CSMD1: variants seen among roughly 807,000 people sequenced by gnomAD.
The protein encoded by CSMD1 is CUB and Sushi multiple domains 1.
Under a neutral mutation model 417.5 loss-of-function variants are expected in CSMD1, and 213 were observed. That is an observed-to-expected ratio of 0.51 (90% CI 0.46 to 0.57). The LOEUF (loss-of-function observed/expected upper bound fraction) is 0.57. Ranked by LOEUF, CSMD1 falls within the 20% of genes least tolerant of loss-of-function variation. The pLI is 0.00. For missense variants in CSMD1, 6,923 were observed against 4,529.7 expected (o/e 1.53, Z -15.17); for synonymous variants, 2,862 against 1,736.8 (o/e 1.65, Z -16.11).
chr8:4,893,433 T>C (rs1804262920), intron 1 of CSMD1, among the ~76,000 whole-genome samples: 1 of 152,098 alleles, frequency 6.6e-6, no homozygotes, highest in Non-Finnish European at 1.5e-5. Context: ...TGTAGTTAAA[T>C]GTTTTTCTTT....
intron 3 of CSMD1, among the ~76,000 whole-genome samples, chr8:4,316,388 A>G (rs1585217832): frequency 6.6e-6 from 1 of 152,100 alleles, no homozygotes; most frequent in Admixed American, 6.6e-5. Context: ...GACCTCTGTT[A>G]ATTCTTGGAC....
intron 54 of CSMD1, among the ~76,000 whole-genome samples, chr8:2,990,544 C>G (rs1239331323): frequency 6.6e-6 from 1 of 152,148 alleles, no homozygotes; most frequent in East Asian, 1.9e-4. Flanking sequence ...ACTATACGAT[C>G]GACTTGCTAA....
chr8:3,679,288 C>G (rs957726737), intron 7 of CSMD1, among the ~76,000 whole-genome samples: 3 of 152,044 alleles, frequency 2.0e-5, no homozygotes, highest in Non-Finnish European at 4.4e-5. Flanking sequence ...TTCAGGAAAC[C>G]CATCTCATGT....
intron 7 of CSMD1, among the ~76,000 whole-genome samples, chr8:3,696,758 A>G (rs570493421): frequency 1.6e-4 from 25 of 152,244 alleles, no homozygotes; most frequent in Non-Finnish European, 3.2e-4. Context: ...AGATGTCAAG[A>G]ATATGGAAAT....
chr8:4,212,978 G>C (rs1224896728), intron 3 of CSMD1, among the ~76,000 whole-genome samples: 1 of 151,922 alleles, frequency 6.6e-6, no homozygotes, highest in Non-Finnish European at 1.5e-5. Flanking sequence ...CCTAGCGTTG[G>C]CTTCCAAGTC....
intron 3 of CSMD1, among the ~76,000 whole-genome samples, chr8:4,159,205 C>T (rs573949790): frequency 3.0e-4 from 45 of 152,272 alleles, no homozygotes; most frequent in African/African-American, 1.0e-3. Flanking sequence ...CATGAGCCAC[C>T]GTGCCCAGCC....
intron 5 of CSMD1, among the ~76,000 whole-genome samples, chr8:3,827,493 T>C (rs1423764935): frequency 6.6e-6 from 1 of 152,210 alleles, no homozygotes; most frequent in Non-Finnish European, 1.5e-5. Flanking sequence ...GGTTTTTAAC[T>C]TGTAATTCCT....
chr8:4,308,765 A>C (rs1346118766), intron 3 of CSMD1, among the ~76,000 whole-genome samples: 2 of 152,168 alleles, frequency 1.3e-5, no homozygotes, highest in Non-Finnish European at 2.9e-5. Flanking sequence ...GAGCGTGATG[A>C]CTAAAGATTA....
chr8:3,430,690 C>T (rs1309870221), intron 12 of CSMD1, among the ~76,000 whole-genome samples: 1 of 151,986 alleles, frequency 6.6e-6, no homozygotes. Context: ...GCCTGTAATC[C>T]CAGCTACTCA....
intron 5 of CSMD1, among the ~76,000 whole-genome samples, chr8:3,863,001 T>A (rs1021622009): frequency 6.6e-6 from 1 of 152,146 alleles, no homozygotes; most frequent in African/African-American, 2.4e-5. Context: ...ACCAACAGAT[T>A]TGGTATCTGG....
chr8:4,317,246 C>CG (rs1563443603), intron 3 of CSMD1, among the ~76,000 whole-genome samples: 1 of 151,844 alleles, frequency 6.6e-6, no homozygotes, highest in Non-Finnish European at 1.5e-5. Flanking sequence ...GGGAATTTTT[C>CG]TTTTTTTTAC....
chr8:4,950,158 T>C (rs1436854256), intron 1 of CSMD1, among the ~76,000 whole-genome samples: 2 of 152,184 alleles, frequency 1.3e-5, no homozygotes, highest in Non-Finnish European at 2.9e-5. Flanking sequence ...TGTAGCACAC[T>C]TTTGTATATG....
intron 5 of CSMD1, among the ~76,000 whole-genome samples, chr8:3,968,198 AT>A (rs1563264983): frequency 1.3e-5 from 2 of 151,502 alleles, no homozygotes; most frequent in African/African-American, 4.9e-5. Flanking sequence ...AATAATAATA[AT>A]AATAATAATA....
rs767483161 is a variant in CSMD1, at chr8:3,396,364, T to C, written c.2423A>G (p.Asn808Ser). ...ATCTCTGACCTCCAAGGTGTCATAATTGACCTCTGTCTGAAATCTGCAAAT... is the reference window on the plus strand; with the variant it reads ...ATCTCTGACCTCCAAGGTGTCATAACTGACCTCTGTCTGAAATCTGCAAAT... ...ITFDRFQTEV[N>S]YDTLEVRDGP... The change falls in exon 17 of 70, where the codon AAT (asparagine) becomes AGT (serine). Residue 808 changes from asparagine to serine, a missense_variant. Coordinates refer to ENST00000635120, the MANE Select transcript of CSMD1 (RefSeq NM_033225.6). 1.4e-5 allele frequency: 23 copies of C among 1,590,770 alleles called. No individual in the cohort carries two copies. Among genetic ancestry groups the C allele is most frequent in the Non-Finnish European group, 2.0e-5 (23 of 1,168,622 alleles).
intron 16 of CSMD1, among the ~76,000 whole-genome samples, 184 bp from the exon 17 acceptor site, chr8:3,396,565 G>A (rs1415105346): frequency 1.3e-5 from 2 of 152,126 alleles, no homozygotes; most frequent in South Asian, 2.1e-4. Flanking sequence ...TTGATGAGAC[G>A]GCACAGCTTA....
intron 3 of CSMD1, among the ~76,000 whole-genome samples, chr8:4,375,906 C>T (rs936254548): frequency 6.6e-6 from 1 of 152,308 alleles, no homozygotes; most frequent in East Asian, 1.9e-4. Context: ...CTTCAGGATA[C>T]GGCCACCACC....
At chr8:4,624,923 T>G (rs575241380) in intron 2 of CSMD1, among the ~76,000 whole-genome samples, 1 of 152,274 alleles carries the variant, frequency 6.6e-6, no homozygotes, top group East Asian at 1.9e-4. Flanking sequence ...AATTAAAGTG[T>G]GCTCCTGGTA....
intron 2 of CSMD1, among the ~76,000 whole-genome samples, chr8:4,553,112 A>T (rs1003400515): frequency 6.6e-6 from 1 of 152,212 alleles, no homozygotes; most frequent in Non-Finnish European, 1.5e-5. Flanking sequence ...ATAGTTTTCG[A>T]GGTACCTATG....
intron 3 of CSMD1, among the ~76,000 whole-genome samples, chr8:4,314,451 A>G (rs1168348780): frequency 2.0e-5 from 3 of 152,236 alleles, no homozygotes; most frequent in Non-Finnish European, 4.4e-5. Flanking sequence ...GTTTTAAAAT[A>G]TAAGCCAATT....
Sources: gnomAD v4.1 joint callset for allele counts (sites outside exome capture counted in the v4.1 genomes callset) on GRCh38, gnomAD v4.1.1 for gene constraint, MANE v1.5 for transcripts, NCBI Gene and HGNC (gene_info 2026-07-23, HGNC 2026-07-21) for gene names.